Variants in DPY19L3 observed in about 807,000 individuals in gnomAD.
DPY19L3 encodes the protein protein C-mannosyl-transferase DPY19L3.
DPY19L3 carries 51 observed loss-of-function variants against 92.3 expected under a neutral mutation model. The observed-to-expected ratio is 0.55, with a 90% CI of 0.44 to 0.70. DPY19L3 has a LOEUF of 0.70. Among genes scored for constraint, DPY19L3 ranks in the 30% least tolerant of loss-of-function variants. The pLI is 0.00. For missense variants in DPY19L3, 706 were observed against 855.9 expected, an observed-to-expected ratio of 0.82 and a Z score of 2.18; for synonymous variants, 309 against 315.2, an observed-to-expected ratio of 0.98 and a Z score of 0.21.
chr19:32,423,402 A>ATTTTT lies in DPY19L3; in HGVS notation c.238-9300_238-9296dup, dbSNP rs71176123. Among the ~76,000 whole-genome samples the ATTTTT allele has an allele frequency of 1.5e-4, 12 of 82,228 alleles. 1 individual carries two copies. Among genetic ancestry groups the ATTTTT allele is most frequent in the South Asian group, 4.6e-4 (1 of 2,194 alleles). The allele number at this position is 82,228 out of a possible 152,430, so 53.9% of individuals were successfully genotyped here. A position where few individuals can be genotyped will look rare whatever the true frequency, so the allele number is the denominator to read the frequency against. On this transcript the variant is annotated intron_variant, in intron 3 of 18. Coordinates refer to ENST00000392250, the MANE Select transcript of DPY19L3 (RefSeq NM_001172774.2). Reference sequence around the variant, plus strand: ...AGGCATGCACCACCATGCCCAGCTAATTTTTTTTTTTTTTTTTTGGTATTT... The same window carrying ATTTTT: ...AGGCATGCACCACCATGCCCAGCTAATTTTTTTTTTTTTTTTTTTTTTTGGTATTT...
At chr19:32,414,425 AAAC>A (rs1216479900) in intron 3 of DPY19L3, among the ~76,000 whole-genome samples, 32 of 150,902 alleles carry the variant, frequency 2.1e-4, no homozygotes, top group Non-Finnish European at 3.7e-4. Flanking sequence ...CAAAAAAAAA[AAAC>A]AAACAAACAA....
chr19:32,458,364 A>G lies in DPY19L3; in HGVS notation c.1177A>G (p.Asn393Asp), dbSNP rs1159642712. 1 of 1,610,608 alleles carries G rather than the reference A, an allele frequency of 6.2e-7. No homozygotes were observed. The highest frequency in any genetic ancestry group is 8.5e-7 in the Non-Finnish European group (1 of 1,179,222). The change falls in exon 12 of 19, where the codon AAT becomes GAT. Residue 393 changes from asparagine to aspartate, a missense_variant. Coordinates refer to ENST00000392250, the MANE Select transcript of DPY19L3 (RefSeq NM_001172774.2). ...GLGATRDFDA[N>D]LYLCEEAFGL... Reference sequence around the variant, plus strand: ...TTTGTTCCCTAGGGATTTTGATGCAAATCTCTATCTGTGTGAAGAAGCTTT... The same window carrying G: ...TTTGTTCCCTAGGGATTTTGATGCAGATCTCTATCTGTGTGAAGAAGCTTT...
At chr19:32,423,581 C>CA (rs1432798536) in intron 3 of DPY19L3, among the ~76,000 whole-genome samples, 1 of 151,604 alleles carries the variant, frequency 6.6e-6, no homozygotes, top group Non-Finnish European at 1.5e-5. Context: ...TTTTAAATGG[C>CA]AAAAACCACA....
intron 15 of DPY19L3, 164 bp from the exon 16 acceptor site, chr19:32,468,567 T>G: frequency 3.0e-6 from 4 of 1,313,486 alleles, no homozygotes; most frequent in African/African-American, 1.5e-5. Context: ...AGTTCCCTTG[T>G]ATTAGGAGGG....
chr19:32,448,413 C>A (rs1400894555), intron 8 of DPY19L3, among the ~76,000 whole-genome samples: 1 of 152,166 alleles, frequency 6.6e-6, no homozygotes, highest in Non-Finnish European at 1.5e-5. Flanking sequence ...TGTCTCCCCC[C>A]AGCAGTTGAA....
Position 32,485,570 on chromosome 19 carries a change from T to G in DPY19L3, c.*3330T>G, listed in dbSNP as rs1028657652. ...TAAGATGTAAAAATTTGAGTTCATC[T>G]TTGGCCAAAACCTACCTGAATTAAC... On this transcript the variant is annotated 3_prime_UTR_variant, in exon 19 of 19. Transcript: ENST00000392250. The G allele has an allele frequency of 6.6e-6, 1 of 152,244 alleles. No homozygotes were observed. Among genetic ancestry groups the G allele is most frequent in the Non-Finnish European group, 1.5e-5 (1 of 68,040 alleles). The allele number at this position is 152,244 out of a possible 1,614,324, so 9.4% of individuals were successfully genotyped here. A position where few individuals can be genotyped will look rare whatever the true frequency, so the allele number is the denominator to read the frequency against.
chr19:32,456,709 C>T (rs913377820), intron 10 of DPY19L3, among the ~76,000 whole-genome samples: 2 of 152,194 alleles, frequency 1.3e-5, no homozygotes, highest in East Asian at 1.9e-4. Flanking sequence ...GCTAGGATTA[C>T]AGACACGAGC....
chr19:32,407,003 T>C (rs1293532106), intron 1 of DPY19L3, among the ~76,000 whole-genome samples: 1 of 81,112 alleles, frequency 1.2e-5, no homozygotes, highest in Non-Finnish European at 2.6e-5. Flanking sequence ...GGCTTCCTGC[T>C]TTTTTTTTTT....
intron 8 of DPY19L3, 60 bp downstream of exon 8, chr19:32,439,970 G>GA: frequency 6.3e-7 from 1 of 1,582,154 alleles, no homozygotes. Context: ...TTATATCATA[G>GA]AATGAGATGA....
At chr19:32,463,807 C>G in intron 13 of DPY19L3, 62 bp from the exon 14 acceptor site, 1 of 1,404,938 alleles carries the variant, frequency 7.1e-7, no homozygotes. Context: ...TTATAGGTGT[C>G]TCAGAATCCA....
intron 8 of DPY19L3, among the ~76,000 whole-genome samples, chr19:32,442,851 C>A (rs1047578990): frequency 2.0e-5 from 3 of 152,212 alleles, no homozygotes; most frequent in African/African-American, 7.2e-5. Flanking sequence ...CCTACCCTCA[C>A]CTAGCTGTCA....
chr19:32,482,424 T>G lies in DPY19L3; in HGVS notation c.*184T>G. On this transcript the variant is annotated 3_prime_UTR_variant, in exon 19 of 19. Transcript: ENST00000392250. Reference sequence around the variant, plus strand: ...GCATCTTCTACAAGCAGAAGTCTTTTTCGTTGTGTGTCTATCTTTCTCATT... The same window carrying G: ...GCATCTTCTACAAGCAGAAGTCTTTGTCGTTGTGTGTCTATCTTTCTCATT... The G allele has an allele frequency of 1.6e-6, 1 of 643,442 alleles. No homozygotes were observed. The highest frequency in any genetic ancestry group is 2.6e-6 in the Non-Finnish European group (1 of 389,468). 39.9% of individuals were successfully genotyped at this position (643,442 alleles called of 1,614,324 possible).
At position 32,463,871 on chromosome 19, in the gene DPY19L3, T is replaced by C. The variant is rs1400808090; in HGVS notation, c.1448T>C (p.Met483Thr). The change falls in exon 14 of 19, where the codon ATG becomes ACG. Residue 483 changes from methionine (M) to threonine (T), a missense_variant and splice_region_variant. Physicochemically the swap from Met to Thr is moderately conservative, Grantham distance 81 (BLOSUM62 -1). Coordinates refer to ENST00000392250, the MANE Select transcript of DPY19L3 (RefSeq NM_001172774.2). ...TGCGCCTGTGTCTGTTCTTGCAGAA[T>C]GAAGTACCTCTGGACGTCACACATG... The part of the protein sequence containing the change: ...FGFLALSTMR[M>T]KYLWTSHMCV... The C allele has an allele frequency of 1.2e-6, 2 of 1,612,542 alleles. No homozygotes were observed. Among genetic ancestry groups the C allele is most frequent in the Admixed American group, 1.7e-5 (1 of 59,928 alleles).
intron 14 of DPY19L3, among the ~76,000 whole-genome samples, chr19:32,464,376 A>G (rs897558756): frequency 6.6e-6 from 1 of 152,200 alleles, no homozygotes; most frequent in African/African-American, 2.4e-5. Context: ...GTTCTACTCC[A>G]TAAATTCACT....
chr19:32,456,541 A>G (rs117872891), intron 10 of DPY19L3, among the ~76,000 whole-genome samples: 5,903 of 151,838 alleles, frequency 0.039, 167 homozygotes, highest in Middle Eastern at 0.065. Context: ...GGCTCAAGCA[A>G]TCCTTCCACT....
chr19:32,458,227 C>T lies in DPY19L3; in HGVS notation c.1163+54C>T. On this transcript the variant is annotated intron_variant, in intron 11 of 18. Coordinates refer to ENST00000392250, the MANE Select transcript of DPY19L3 (RefSeq NM_001172774.2). ...CTATTTTCTATTGAATCAGCAGGGA[C>T]TTTAAAACTTAAGTTGTCATTGTGC... 3 of 1,586,826 alleles carry T rather than the reference C, an allele frequency of 1.9e-6. No individual in the cohort carries two copies. The South Asian group carries it at 3.4e-5, about 18-fold the overall frequency.
At chr19:32,457,204 AC>A (rs1438940066) in intron 10 of DPY19L3, among the ~76,000 whole-genome samples, 4 of 152,184 alleles carry the variant, frequency 2.6e-5, no homozygotes, top group African/African-American at 9.6e-5. Context: ...TTTGCCAGTG[AC>A]CTACAACAAG....
chr19:32,470,671 T>C (rs1390949586), intron 16 of DPY19L3, among the ~76,000 whole-genome samples: 3 of 151,900 alleles, frequency 2.0e-5, no homozygotes, highest in Admixed American at 6.6e-5. Context: ...AAGAAGAGAA[T>C]ACAAGTGTCC....
intron 8 of DPY19L3, among the ~76,000 whole-genome samples, chr19:32,443,073 A>G (rs1047201574): frequency 6.6e-6 from 1 of 152,118 alleles, no homozygotes; most frequent in Non-Finnish European, 1.5e-5. Flanking sequence ...CACCACCCAG[A>G]TGTAATAAGC....
Sources: gnomAD v4.1 joint callset for allele counts (sites outside exome capture counted in the v4.1 genomes callset) on GRCh38, gnomAD v4.1.1 for gene constraint, MANE v1.5 for transcripts, NCBI Gene and HGNC (gene_info 2026-07-23, HGNC 2026-07-21) for gene names.